Variants in SPIRE1 observed in about 807,000 individuals in gnomAD.
SPIRE1 encodes protein spire homolog 1.
In SPIRE1, 40 loss-of-function variants were observed where a neutral mutation model predicts 94.1. The observed-to-expected ratio is 0.43, with a 90% CI of 0.33 to 0.55. The LOEUF is 0.55. SPIRE1 is among the 20% of genes least tolerant of loss of function. The pLI is 0.06. For synonymous variants in SPIRE1, 376 were observed against 371.7 expected (o/e 1.01, Z -0.13); for missense variants, 838 against 975.2 (o/e 0.86, Z 1.87).
chr18:12,523,743 G>A (rs775713352), intron 4 of SPIRE1, among the ~76,000 whole-genome samples: 3 of 152,078 alleles, frequency 2.0e-5, no homozygotes, highest in Admixed American at 6.5e-5. Context: ...GTGCAAAATG[G>A]TGTAATCACA....
chr18:12,626,886 A>ATATATATATATATATATATTTTTTTTTT (rs55915333), intron 2 of SPIRE1, among the ~76,000 whole-genome samples: 1 of 111,894 alleles, frequency 8.9e-6, no homozygotes, highest in African/African-American at 3.0e-5. Context: ...ATATATATAT[A>ATATATATATATATATATATTTTTTTTTT]TTTTTTTTTT....
chr18:12,507,973 C>A (rs1430286520), intron 5 of SPIRE1, among the ~76,000 whole-genome samples: 1 of 151,500 alleles, frequency 6.6e-6, no homozygotes, highest in Non-Finnish European at 1.5e-5. Flanking sequence ...GGTGAAACCC[C>A]GTCTCTACTA....
chr18:12,453,283 A>G, intron 13 of SPIRE1, 145 bp from the exon 14 acceptor site: 1 of 552,308 alleles, frequency 1.8e-6, no homozygotes, highest in Non-Finnish European at 3.2e-6. Flanking sequence ...TGTTTATAAC[A>G]GCTGGCTCTG....
chr18:12,461,422 G>GTGTGTGTGTATGTATGTATATACATACA (rs1568183594), intron 12 of SPIRE1, among the ~76,000 whole-genome samples: 1 of 127,704 alleles, frequency 7.8e-6, no homozygotes, highest in Admixed American at 7.5e-5. Context: ...GTATGTGTGT[G>GTGTGTGTGTATGTATGTATATACATACA]TGTGTGTATG....
chr18:12,446,930 A>G lies in SPIRE1; in HGVS notation c.*2708T>C, dbSNP rs1376258736. 10 of 152,200 alleles carry G rather than the reference A, an allele frequency of 6.6e-5. No homozygotes were observed. The highest frequency in any genetic ancestry group is 2.2e-4 in the African/African-American group (9 of 41,454). 9.4% of individuals were successfully genotyped at this position (152,200 alleles called of 1,614,324 possible). A position where few individuals can be genotyped will look rare whatever the true frequency, so the allele number is the denominator to read the frequency against. On this transcript the variant is annotated 3_prime_UTR_variant, in exon 17 of 17. Coordinates refer to ENST00000409402, the MANE Select transcript of SPIRE1 (RefSeq NM_001128626.2). ...AAATCCTTAAGAATTAAAATCTAGT[A>G]AGATTGTTAAATCAACGTACGTCAA...
At chr18:12,511,211 G>A (rs1251114489) in intron 5 of SPIRE1, among the ~76,000 whole-genome samples, 3 of 152,154 alleles carry the variant, frequency 2.0e-5, no homozygotes, top group African/African-American at 7.2e-5. Flanking sequence ...GTTAAGGCAG[G>A]GGTTTGCAAC....
chr18:12,486,046 T>C, intron 8 of SPIRE1, 46 bp from the exon 9 acceptor site: 1 of 1,398,318 alleles, frequency 7.2e-7, no homozygotes, highest in Non-Finnish European at 9.8e-7. Context: ...ATTCAGCTGT[T>C]AGGAATATAC....
chr18:12,485,169 A>T (rs2032991911), intron 9 of SPIRE1, among the ~76,000 whole-genome samples: 1 of 146,796 alleles, frequency 6.8e-6, no homozygotes, highest in African/African-American at 2.5e-5. Flanking sequence ...CAGTGGCGCG[A>T]TCTCGGCTCA....
chr18:12,479,862 G>A lies in SPIRE1; in HGVS notation c.1241C>T (p.Thr414Ile). ...SYSFDLSDVTTPESTKNLVES... is the reference protein window; with the variant it reads ...SYSFDLSDVTIPESTKNLVES... The stretch of plus-strand genomic sequence containing the variant: ...CACAAGATTCTTTGTAGATTCAGGG[G>A]TAGTCACATCTGGTAAAAAAGCAAA... Residue 414 changes from threonine (T) to isoleucine (I), a missense_variant, in exon 10 of 17, where the codon ACC becomes ATC. Physicochemically the swap from Thr to Ile is moderately conservative, Grantham distance 89 (BLOSUM62 -1). Coordinates refer to ENST00000409402, the MANE Select transcript of SPIRE1 (RefSeq NM_001128626.2). The A allele has an allele frequency of 1.2e-6, 2 of 1,612,852 alleles. No individual in the cohort carries two copies. Among genetic ancestry groups the A allele is most frequent in the Non-Finnish European group, 8.5e-7 (1 of 1,179,704 alleles).
intron 12 of SPIRE1, 92 bp downstream of exon 12, chr18:12,463,258 GT>G (rs1215324910): frequency 1.5e-6 from 2 of 1,312,578 alleles, no homozygotes; most frequent in East Asian, 2.4e-5. Context: ...ACTTTTGCAA[GT>G]TTTTTTCTCC....
intron 2 of SPIRE1, among the ~76,000 whole-genome samples, chr18:12,566,513 A>G (rs1041241089): frequency 2.0e-5 from 3 of 152,176 alleles, no homozygotes; most frequent in African/African-American, 7.2e-5. Flanking sequence ...GTCCAAAATA[A>G]TAATAGCAAC....
At chr18:12,622,262 G>C (rs1210496150) in intron 2 of SPIRE1, among the ~76,000 whole-genome samples, 1 of 151,890 alleles carries the variant, frequency 6.6e-6, no homozygotes, top group Non-Finnish European at 1.5e-5. Context: ...ATGAAATAAT[G>C]AGTGTATAAA....
intron 4 of SPIRE1, among the ~76,000 whole-genome samples, chr18:12,517,623 T>C (rs1192327382): frequency 2.0e-5 from 3 of 152,198 alleles, no homozygotes; most frequent in Non-Finnish European, 4.4e-5. Flanking sequence ...AGAACCCACA[T>C]GGCAATTACG....
intron 2 of SPIRE1, among the ~76,000 whole-genome samples, chr18:12,564,806 T>G (rs2144417182): frequency 6.6e-6 from 1 of 152,080 alleles, no homozygotes; most frequent in African/African-American, 2.4e-5. Context: ...AGGAGGACCC[T>G]CACACTTGTG....
intron 2 of SPIRE1, among the ~76,000 whole-genome samples, chr18:12,622,359 T>C (rs964594876): frequency 1.1e-4 from 16 of 148,700 alleles, no homozygotes; most frequent in African/African-American, 3.7e-4. Flanking sequence ...ATCACAGGAA[T>C]AGAAAAAAAT....
Position 12,464,922 on chromosome 18 carries a change from C to G in SPIRE1, c.1441G>C (p.Val481Leu), listed in dbSNP as rs776394887. The change falls in exon 11 of 17, where the codon GTG becomes CTG. Residue 481 changes from valine (V) to leucine (L), a missense_variant. Physicochemically the swap from Val to Leu is conservative, Grantham distance 32. Coordinates refer to ENST00000409402, the MANE Select transcript of SPIRE1 (RefSeq NM_001128626.2). Reference protein sequence around the residue: ...TLHKSTSSSSVSPSFPEEPVL... With the variant: ...TLHKSTSSSSLSPSFPEEPVL... ...GGCTCTTCAGGGAAAGAGGGAGACA[C>G]GCTGCTGCTGCTGGTCGACTTGTGC... 29 of 1,613,976 alleles carry G rather than the reference C, an allele frequency of 1.8e-5. No individual in the cohort carries two copies. The highest frequency in any genetic ancestry group is 2.4e-5 in the Non-Finnish European group (28 of 1,179,966).
chr18:12,493,290 T>G, intron 7 of SPIRE1, 89 bp from the exon 8 acceptor site: 1 of 1,190,962 alleles, frequency 8.4e-7, no homozygotes. Context: ...ATAAATTACA[T>G]TTCATTGACT....
At chr18:12,651,519 C>A (rs930238021) in intron 1 of SPIRE1, among the ~76,000 whole-genome samples, 2 of 151,790 alleles carry the variant, frequency 1.3e-5, no homozygotes, top group Non-Finnish European at 2.9e-5. Flanking sequence ...ACTAAAAATA[C>A]AAAAATTAGC....
intron 2 of SPIRE1, among the ~76,000 whole-genome samples, chr18:12,570,926 T>C (rs1046324799): frequency 5.3e-5 from 8 of 152,164 alleles, no homozygotes; most frequent in African/African-American, 1.9e-4. Flanking sequence ...GGGTTTACAG[T>C]CAACCAGAAT....
Sources: allele counts gnomAD v4.1 joint callset (sites outside exome capture counted in the v4.1 genomes callset), GRCh38; gene constraint gnomAD v4.1.1; transcripts MANE v1.5; gene names NCBI Gene and HGNC (gene_info 2026-07-23, HGNC 2026-07-21).